The following U2AF2 variants were observed in gnomAD, a reference collection of about 807,000 sequenced individuals.
U2AF2 encodes the protein splicing factor U2AF 65 kDa subunit.
In U2AF2, 6 loss-of-function variants were observed where a neutral mutation model predicts 52.6. That is an observed-to-expected ratio of 0.11 (90% CI 0.06 to 0.23). The LOEUF (loss-of-function observed/expected upper bound fraction) is 0.23, where lower values mean the gene tolerates loss of function less well. Among genes scored for constraint, U2AF2 ranks in the 10% least tolerant of loss-of-function variants. The probability of loss-of-function intolerance (pLI) is 1.00; values close to 1 mark genes in which losing one functional copy is unlikely to be tolerated. For synonymous variants in U2AF2, 284 were observed against 258.2 expected, an observed-to-expected ratio of 1.10 and a Z score of -0.96; for missense variants, 222 against 677.1, an observed-to-expected ratio of 0.33 and a Z score of 7.46.
chr19:55,655,416 T>TGGCGCGGGGGACGC (rs1391221699), intron 1 of U2AF2, among the ~76,000 whole-genome samples: 1 of 152,132 alleles, frequency 6.6e-6, no homozygotes, highest in Non-Finnish European at 1.5e-5. Context: ...CTGGCGGAGG[T>TGGCGCGGGGGACGC]GGCGCGGGGG....
At chr19:55,660,894 G>A (rs1182124583) in intron 4 of U2AF2, 144 bp from the exon 5 acceptor site, 5 of 1,361,560 alleles carry the variant, frequency 3.7e-6, no homozygotes, top group Non-Finnish European at 4.9e-6. Flanking sequence ...GGGCCCCGAG[G>A]GTGGAAAGAG....
At chr19:55,666,001 C>T (rs1420087715) in intron 7 of U2AF2, among the ~76,000 whole-genome samples, 1 of 152,220 alleles carries the variant, frequency 6.6e-6, no homozygotes, top group East Asian at 1.9e-4. Flanking sequence ...CTGTGCAGCG[C>T]CTCCTTCCTG....
intron 2 of U2AF2, 55 bp from the exon 3 acceptor site, chr19:55,660,122 G>A: frequency 1.3e-6 from 2 of 1,555,886 alleles, no homozygotes; most frequent in Non-Finnish European, 1.8e-6. Flanking sequence ...TGGCATGTGG[G>A]GAAGACGAGG....
chr19:55,661,406 C>T (rs1223284180), intron 5 of U2AF2: 2 of 509,622 alleles, frequency 3.9e-6, no homozygotes, highest in Non-Finnish European at 3.4e-6. Flanking sequence ...TCCCCTCCCC[C>T]CAACCTCCTC....
chr19:55,660,879 GGT>G (rs1984143295), intron 4 of U2AF2, among the ~76,000 whole-genome samples, 157 bp from the exon 5 acceptor site: 1 of 152,126 alleles, frequency 6.6e-6, no homozygotes, highest in South Asian at 2.1e-4. Flanking sequence ...GCAGTTACTG[GGT>G]GGGGGCCCCG....
rs558757359 is a variant in U2AF2 at position 55,661,247 on chromosome 19, T to G, written c.486+58T>G. The G allele has an allele frequency of 1.2e-5, 16 of 1,388,680 alleles. No homozygotes were observed. In the Admixed American group the frequency reaches 3.9e-4, roughly 34 times the overall value. 86.0% of individuals were successfully genotyped at this position (1,388,680 alleles called of 1,614,324 possible). On this transcript the variant is annotated intron_variant, in intron 5 of 11. Transcript: ENST00000308924. ...TTGTCCCTCTACCCCGTTCCTCCCC[T>G]TCCCTCCATTCCCTTTCCCCAACCT... is the stretch of plus-strand genomic sequence containing the variant.
At chr19:55,666,037 G>A (rs781663987) in intron 7 of U2AF2, among the ~76,000 whole-genome samples, 2 of 152,236 alleles carry the variant, frequency 1.3e-5, no homozygotes, top group Non-Finnish European at 1.5e-5. Flanking sequence ...TGGGCCTTGG[G>A]GAATAGGAAC....
Position 55,662,636 on chromosome 19 carries a change from G to A in U2AF2, c.603+18G>A, listed in dbSNP as rs1412829612. The A allele has an allele frequency of 5.6e-6, 9 of 1,606,388 alleles. No individual in the cohort carries two copies. Among genetic ancestry groups the A allele is most frequent in the African/African-American group, 2.7e-5 (2 of 74,682 alleles). On this transcript the variant is annotated intron_variant, in intron 6 of 11. Transcript: ENST00000308924. Reference sequence around the variant, plus strand: ...TTTTGGAGGTGAGCTGGGGGAGTGAGTGAGGTCCAGGAAACGTGTGTGATG... The same window carrying A: ...TTTTGGAGGTGAGCTGGGGGAGTGAATGAGGTCCAGGAAACGTGTGTGATG...
chr19:55,662,959 C>T (rs564882841), intron 6 of U2AF2, among the ~76,000 whole-genome samples: 2 of 152,074 alleles, frequency 1.3e-5, no homozygotes, highest in Non-Finnish European at 2.9e-5. Flanking sequence ...TTCTTTACAC[C>T]AGCTAACTGA....
chr19:55,666,234 T>C (rs1984542412), intron 7 of U2AF2, among the ~76,000 whole-genome samples: 1 of 152,176 alleles, frequency 6.6e-6, no homozygotes, highest in African/African-American at 2.4e-5. Context: ...TGCTCCATCT[T>C]ACAGATGAGG....
At chr19:55,670,451 CGTGCACCCTGCTGTCCCG>C (rs1984829043) in intron 11 of U2AF2, among the ~76,000 whole-genome samples, 5 of 11,222 alleles carry the variant, frequency 4.5e-4, no homozygotes, top group East Asian at 2.1e-3. Flanking sequence ...CCTGCTGTCC[CGTGCACCCTGCTGTCCCG>C]TGCACCCTGC....
At chr19:55,667,808 T>C (rs1984639547) in intron 7 of U2AF2, among the ~76,000 whole-genome samples, 2 of 150,466 alleles carry the variant, frequency 1.3e-5, no homozygotes, top group South Asian at 2.1e-4. Context: ...TCCTTTGAGA[T>C]GGAGTCTCAC....
chr19:55,668,997 G>A lies in U2AF2; in HGVS notation c.946-86G>A, dbSNP rs1984714477. ...TGCCTTCCCCTCTTCCCCCACCAAT[G>A]CCCCGGCTTGGGGGTAGGTGTCGGG... On this transcript the variant is annotated intron_variant, in intron 9 of 11. Coordinates refer to ENST00000308924, the MANE Select transcript of U2AF2 (RefSeq NM_007279.3). The surrounding 1 kb of genome is among the most constrained non-coding windows in gnomAD (Gnocchi z 5.5). The A allele has an allele frequency of 6.6e-7, 1 of 1,515,944 alleles. No homozygotes were observed. Among genetic ancestry groups the A allele is most frequent in the Admixed American group, 1.9e-5 (1 of 52,806 alleles). The allele number at this position is 1,515,944 out of a possible 1,614,324, so 93.9% of individuals were successfully genotyped here.
chr19:55,658,291 AC>A (rs142965715), intron 1 of U2AF2, among the ~76,000 whole-genome samples: 1 of 126,100 alleles, frequency 7.9e-6, no homozygotes, highest in Non-Finnish European at 1.7e-5. Context: ...GTGCTCATGA[AC>A]CCCCCCGCCC....
At chr19:55,655,355 G>T (rs1365534066) in intron 1 of U2AF2, among the ~76,000 whole-genome samples, 1 of 152,178 alleles carries the variant, frequency 6.6e-6, no homozygotes, top group Non-Finnish European at 1.5e-5. Context: ...GCGGCGGGGC[G>T]CGGGCCCGTG....
intron 7 of U2AF2, among the ~76,000 whole-genome samples, chr19:55,664,978 A>G (rs756413611): frequency 9.2e-5 from 14 of 152,124 alleles, no homozygotes; most frequent in Non-Finnish European, 1.8e-4. Context: ...TCAGTCTCCC[A>G]GAGTGTTGGG....
intron 1 of U2AF2, 144 bp downstream of exon 1, chr19:55,655,297 C>A: frequency 1.1e-6 from 1 of 906,718 alleles, no homozygotes; most frequent in Non-Finnish European, 1.6e-6. Flanking sequence ...GCGCCTCGTT[C>A]ACGTGACGTC....
At chr19:55,660,426 G>A in intron 3 of U2AF2, 90 bp from the exon 4 acceptor site, 1 of 1,150,312 alleles carries the variant, frequency 8.7e-7, no homozygotes, top group Non-Finnish European at 1.3e-6. Flanking sequence ...TTGCGGGGAG[G>A]GTGAAAGGGT....
chr19:55,661,386 C>T, intron 5 of U2AF2, 197 bp downstream of exon 5: 1 of 527,808 alleles, frequency 1.9e-6, no homozygotes, highest in South Asian at 3.2e-5. Context: ...TCCTCTTCCC[C>T]TCTCCCGTCT....
Sources: allele counts gnomAD v4.1 joint callset (sites outside exome capture counted in the v4.1 genomes callset), GRCh38; gene constraint gnomAD v4.1.1; non-coding constraint Gnocchi (gnomAD v3.1); transcripts MANE v1.5; gene names NCBI Gene and HGNC (gene_info 2026-07-23, HGNC 2026-07-21).